AK8: variants seen among roughly 807,000 people sequenced by gnomAD.
AK8 encodes the protein ATP-AMP transphosphorylase 8.
Under a neutral mutation model 54.6 loss-of-function variants are expected in AK8, and 44 were observed. The ratio of observed to expected loss-of-function variants is 0.81; its 90% CI spans 0.63 to 1.04. The LOEUF (loss-of-function observed/expected upper bound fraction) is 1.04. Ranked by LOEUF, AK8 falls within the 50% of genes least tolerant of loss-of-function variation. AK8 has a pLI of 0.00. For synonymous variants in AK8, 239 were observed against 245.6 expected (o/e 0.97, Z 0.25); for missense variants, 555 against 613.6 (o/e 0.90, Z 1.01).
chr9:132,828,364 C>T (rs952636768), intron 6 of AK8, among the ~76,000 whole-genome samples: 3 of 152,198 alleles, frequency 2.0e-5, no homozygotes, highest in South Asian at 2.1e-4. Flanking sequence ...CATCTCTGTG[C>T]GCACTAAATG....
intron 11 of AK8, among the ~76,000 whole-genome samples, chr9:132,750,128 C>T (rs1837840065): frequency 6.6e-6 from 1 of 151,922 alleles, no homozygotes; most frequent in Non-Finnish European, 1.5e-5. Context: ...ACCAGCCTCT[C>T]TTCCTTCACC....
intron 10 of AK8, among the ~76,000 whole-genome samples, chr9:132,793,966 T>C (rs965045638): frequency 1.8e-4 from 28 of 152,114 alleles, no homozygotes; most frequent in Non-Finnish European, 3.4e-4. Flanking sequence ...TTTGAAACCT[T>C]CCACAGGGCC....
Position 132,799,746 on chromosome 9 carries a change from A to G in AK8, c.980-6971T>C, listed in dbSNP as rs1420319125. Among the ~76,000 whole-genome samples the G allele has an allele frequency of 6.6e-6, 1 of 151,938 alleles. No individual in the cohort carries two copies. The highest frequency in any genetic ancestry group is 2.4e-5 in the African/African-American group (1 of 41,346). On this transcript the variant is annotated intron_variant, in intron 10 of 12. Coordinates refer to ENST00000298545, the MANE Select transcript of AK8 (RefSeq NM_152572.3). The surrounding 1 kb of genome is among the most constrained non-coding windows in gnomAD (Gnocchi z 5.0). The stretch of plus-strand genomic sequence containing the variant: ...CTAGCAAACACACCTACATACCTAC[A>G]CCGCACCCACACTGCCTCTCCTCAT...
chr9:132,739,874 G>C (rs1374350415), intron 11 of AK8, among the ~76,000 whole-genome samples: 1 of 152,260 alleles, frequency 6.6e-6, no homozygotes, highest in East Asian at 1.9e-4. Flanking sequence ...CAGGTTGATT[G>C]GGGGCGGGGG....
chr9:132,878,695 A>T, upstream of AK8: 1 of 987,256 alleles, frequency 1.0e-6, no homozygotes, highest in East Asian at 1.1e-4. This position sits in a 1 kb window ranked among gnomAD's most constrained non-coding sequence, Gnocchi z 4.7. Context: ...GGGTGTTTGA[A>T]GGGGGAGGGG....
At position 132,771,031 on chromosome 9, in the gene AK8, G is replaced by A. The variant is rs190314606; in HGVS notation, c.1121+21603C>T. 4.4e-3 allele frequency among the ~76,000 whole-genome samples: 674 copies of A among 152,294 alleles called. 4 individuals are homozygous for A. Among genetic ancestry groups the A allele is most frequent in the African/African-American group, 0.016 (645 of 41,564 alleles). ...AGCCAGCAGGGCAGGTGTGGACTTAGTGCCAGGGTGACCTGAAGACTCTGC... is the reference window on the plus strand; with the variant it reads ...AGCCAGCAGGGCAGGTGTGGACTTAATGCCAGGGTGACCTGAAGACTCTGC... On this transcript the variant is annotated intron_variant, in intron 11 of 12. Coordinates refer to ENST00000298545, the MANE Select transcript of AK8 (RefSeq NM_152572.3).
chr9:132,796,994 G>GT (rs1306964996), intron 10 of AK8, among the ~76,000 whole-genome samples: 1 of 152,096 alleles, frequency 6.6e-6, no homozygotes, highest in Non-Finnish European at 1.5e-5. Flanking sequence ...GGCAGGGAGG[G>GT]CCAAATTTCC....
At chr9:132,741,527 C>T (rs188341408) in intron 11 of AK8, among the ~76,000 whole-genome samples, 70 of 152,258 alleles carry the variant, frequency 4.6e-4, no homozygotes, top group East Asian at 9.7e-4. Flanking sequence ...GAGGTGTGGC[C>T]GATGCCAAGA....
At chr9:132,863,164 A>G (rs1843455460) in intron 4 of AK8, among the ~76,000 whole-genome samples, 1 of 152,232 alleles carries the variant, frequency 6.6e-6, no homozygotes, top group African/African-American at 2.4e-5. Flanking sequence ...CACTGCCCGG[A>G]CCAGAGGGTG....
chr9:132,795,971 A>G (rs1276368758), intron 10 of AK8, among the ~76,000 whole-genome samples: 3 of 152,168 alleles, frequency 2.0e-5, no homozygotes, highest in Non-Finnish European at 4.4e-5. Context: ...CATCTCTAAT[A>G]ATCAAGTATG....
chr9:132,771,339 G>C (rs57815752), intron 11 of AK8, among the ~76,000 whole-genome samples: 4,983 of 152,298 alleles, frequency 0.033, 268 homozygotes, highest in African/African-American at 0.11. Context: ...GGCTTACACT[G>C]TGAGAATTAT....
At chr9:132,813,418 T>C (rs1380195537) in intron 10 of AK8, among the ~76,000 whole-genome samples, 3 of 152,196 alleles carry the variant, frequency 2.0e-5, no homozygotes, top group Non-Finnish European at 4.4e-5. Flanking sequence ...TAGAAAGTGG[T>C]AGGAGAAGGC....
intron 1 of AK8, chr9:132,877,968 G>T: frequency 7.3e-7 from 1 of 1,372,478 alleles, no homozygotes; most frequent in East Asian, 2.5e-5. Context: ...GTCCGCCTGA[G>T]GCAAACCCGG....
chr9:132,758,238 C>T (rs190069767), intron 11 of AK8, among the ~76,000 whole-genome samples: 23 of 152,302 alleles, frequency 1.5e-4, no homozygotes, highest in Non-Finnish European at 2.6e-4. Context: ...CACACGAATA[C>T]GCGGAGCCAC....
chr9:132,841,808 C>T (rs1842556812), intron 5 of AK8, among the ~76,000 whole-genome samples: 1 of 152,098 alleles, frequency 6.6e-6, no homozygotes, highest in South Asian at 2.1e-4. Flanking sequence ...TTATTTAATG[C>T]TTTAAAATCA....
chr9:132,760,588 T>C (rs1159900290), intron 11 of AK8, among the ~76,000 whole-genome samples: 1 of 152,180 alleles, frequency 6.6e-6, no homozygotes, highest in African/African-American at 2.4e-5. Flanking sequence ...TTTACTTTTC[T>C]TGTCTTTACT....
chr9:132,875,395 C>T (rs556729252), intron 1 of AK8, among the ~76,000 whole-genome samples, 196 bp from the exon 2 acceptor site: 6 of 152,296 alleles, frequency 3.9e-5, no homozygotes, highest in African/African-American at 1.4e-4. Context: ...CGTGGTGCTG[C>T]TGCGGAGGCA....
At chr9:132,741,006 T>C (rs1590178349) in intron 11 of AK8, among the ~76,000 whole-genome samples, 2 of 152,240 alleles carry the variant, frequency 1.3e-5, no homozygotes, top group South Asian at 4.1e-4. Context: ...CATCTGCCTG[T>C]TCCCAAGTGG....
At chr9:132,831,686 G>C (rs762376470) in intron 5 of AK8, among the ~76,000 whole-genome samples, 3 of 152,170 alleles carry the variant, frequency 2.0e-5, no homozygotes, top group Non-Finnish European at 4.4e-5. Context: ...TCAGCCTCCA[G>C]GTCACTCACG....
Sources: allele counts gnomAD v4.1 joint callset (sites outside exome capture counted in the v4.1 genomes callset), GRCh38; gene constraint gnomAD v4.1.1; non-coding constraint Gnocchi (gnomAD v3.1); transcripts MANE v1.5; gene names NCBI Gene and HGNC (gene_info 2026-07-23, HGNC 2026-07-21).